The following EXOC4 variants were observed in gnomAD, a reference collection of about 807,000 sequenced individuals.
EXOC4 encodes the protein SEC8-like 1.
EXOC4 carries 71 observed loss-of-function variants against 107.2 expected under a neutral mutation model. That is an observed-to-expected ratio of 0.66 (90% CI 0.55 to 0.81). EXOC4 has a LOEUF of 0.81. EXOC4 is among the 30% of genes least tolerant of loss of function. The pLI, the probability that EXOC4 is intolerant of heterozygous loss-of-function variation, is 0.00. For missense variants in EXOC4, 1,108 were observed against 1,189.6 expected, an observed-to-expected ratio of 0.93 and a Z score of 1.01; for synonymous variants, 456 against 441.2, an observed-to-expected ratio of 1.03 and a Z score of -0.42.
At chr7:133,432,640 T>C (rs924685539) in intron 7 of EXOC4, among the ~76,000 whole-genome samples, 1 of 152,224 alleles carries the variant, frequency 6.6e-6, no homozygotes, top group African/African-American at 2.4e-5. Context: ...TTTAAAGTTA[T>C]CTTAAAATGT....
At chr7:133,480,594 T>C (rs1799131819) in intron 9 of EXOC4, 1 of 261,102 alleles carries the variant, frequency 3.8e-6, no homozygotes, top group Non-Finnish European at 6.3e-6. Context: ...ATAATCAATA[T>C]AACTGTGATG....
At chr7:133,541,977 G>A (rs1245786571) in intron 9 of EXOC4, among the ~76,000 whole-genome samples, 2 of 152,112 alleles carry the variant, frequency 1.3e-5, no homozygotes, top group Non-Finnish European at 2.9e-5. Context: ...CTTTCCGGTA[G>A]ATTCAAGGTT....
intron 17 of EXOC4, among the ~76,000 whole-genome samples, chr7:134,012,127 G>A (rs1329298936): frequency 1.3e-5 from 2 of 152,216 alleles, no homozygotes; most frequent in African/African-American, 4.8e-5. Flanking sequence ...TCATTGTAAT[G>A]ACACTGAGTT....
At chr7:133,906,048 G>T (rs1003585648) in intron 12 of EXOC4, among the ~76,000 whole-genome samples, 3 of 152,172 alleles carry the variant, frequency 2.0e-5, no homozygotes, top group Admixed American at 1.3e-4. Context: ...GTAGAAATGG[G>T]CAGGAAAGGA....
At chr7:134,068,116 C>G (rs1000860069), downstream of EXOC4, among the ~76,000 whole-genome samples, 1 of 152,190 alleles carries the variant, frequency 6.6e-6, no homozygotes, top group African/African-American at 2.4e-5. Flanking sequence ...AGCCCATACT[C>G]TTGAAACCCA....
rs567243428 is a variant in EXOC4 at position 133,795,060 on chromosome 7, GACTAT to G, written c.1515-22262_1515-22258del. ...GTGTTCTTAAATGGTACGTTGAAGA[GACTAT>G]ACAAAGAACTTTTTTTAAAAAATCA... On this transcript the variant is annotated intron_variant, in intron 10 of 17. Transcript: ENST00000253861. Among the ~76,000 whole-genome samples the G allele has an allele frequency of 3.7e-3, 561 of 151,796 alleles. 3 individuals carry two copies. Among genetic ancestry groups the G allele is most frequent in the African/African-American group, 0.013 (531 of 41,412 alleles).
chr7:133,485,088 AAT>A lies in EXOC4; in HGVS notation c.1417+4952_1417+4953del, dbSNP rs1158211727. ...CAGCGAGACTCCGTCTCAAAAAATA[AAT>A]AAATAAATAAATAAATAAATAAATA... On this transcript the variant is annotated intron_variant, in intron 9 of 17. Transcript: ENST00000253861. Among the ~76,000 whole-genome samples the A allele has an allele frequency of 9.0e-5, 13 of 144,920 alleles. 1 individual carries two copies. The highest frequency in any genetic ancestry group is 2.0e-4 in the East Asian group (1 of 5,032).
chr7:133,461,628 G>A (rs1798596009), intron 7 of EXOC4, among the ~76,000 whole-genome samples: 1 of 152,134 alleles, frequency 6.6e-6, no homozygotes, highest in African/African-American at 2.4e-5. Flanking sequence ...CAGGTCGTTA[G>A]GGTGGCACTT....
intron 17 of EXOC4, among the ~76,000 whole-genome samples, chr7:134,060,436 A>T (rs1796029855): frequency 6.6e-6 from 1 of 152,216 alleles, no homozygotes; most frequent in Admixed American, 6.5e-5. Context: ...TCTCAATCAA[A>T]TGTGCATTCA....
chr7:133,922,156 T>C, intron 13 of EXOC4, among the ~76,000 whole-genome samples: 1 of 152,084 alleles, frequency 6.6e-6, no homozygotes, highest in South Asian at 2.1e-4. Context: ...ATACTTTTAA[T>C]GAAGCATAAT....
chr7:133,485,114 T>A (rs1327732468), intron 9 of EXOC4, among the ~76,000 whole-genome samples: 34 of 146,686 alleles, frequency 2.3e-4, no homozygotes, highest in African/African-American at 6.9e-4. Flanking sequence ...AATAAATAAA[T>A]AAATAATTAA....
Position 133,469,153 on chromosome 7 carries a change from C to T in EXOC4, c.1183-6175C>T, listed in dbSNP as rs578142204. On this transcript the variant is annotated intron_variant, in intron 7 of 17. Coordinates refer to ENST00000253861, the MANE Select transcript of EXOC4 (RefSeq NM_021807.4). ...AAAATTGGGGCAGGACGCAGTGGCT[C>T]ACGCCTGTAATCCCAGCACTTTGGG... 1.6e-3 allele frequency among the ~76,000 whole-genome samples: 241 copies of T among 152,314 alleles called. 3 individuals carry two copies. The Middle Eastern group carries it at 0.027, about 17-fold the overall frequency.
At chr7:133,844,378 C>CTTTTTTTTTTTTTTTTTTTT (rs761535651) in intron 11 of EXOC4, among the ~76,000 whole-genome samples, 1 of 83,392 alleles carries the variant, frequency 1.2e-5, no homozygotes, top group African/African-American at 5.8e-5. Context: ...CCACATATTC[C>CTTTTTTTTTTTTTTTTTTTT]TTTTTTTTTT....
At chr7:134,079,736 A>G in the EXOC4 span, among the ~76,000 whole-genome samples, 1 of 152,192 alleles carries the variant, frequency 6.6e-6, no homozygotes, top group Non-Finnish European at 1.5e-5. Flanking sequence ...TAGGACATCT[A>G]CTAACCATCA....
chr7:134,092,283 T>TA, the EXOC4 span, among the ~76,000 whole-genome samples: 11 of 151,954 alleles, frequency 7.2e-5, no homozygotes, highest in Non-Finnish European at 1.2e-4. Flanking sequence ...ATATTTCAAT[T>TA]AAAAAAATTT....
intron 5 of EXOC4, among the ~76,000 whole-genome samples, chr7:133,318,539 C>G (rs923834547): frequency 6.6e-6 from 1 of 152,108 alleles, no homozygotes; most frequent in African/African-American, 2.4e-5. Flanking sequence ...TTATCATTGT[C>G]TTTTCAGATA....
intron 4 of EXOC4, among the ~76,000 whole-genome samples, chr7:133,313,590 C>A (rs1377051776): frequency 6.6e-6 from 1 of 152,062 alleles, no homozygotes; most frequent in Non-Finnish European, 1.5e-5. Context: ...ATAGTTGAAC[C>A]CATTTATTGT....
At chr7:133,773,735 C>A (rs1562991502) in intron 10 of EXOC4, among the ~76,000 whole-genome samples, 1 of 151,982 alleles carries the variant, frequency 6.6e-6, no homozygotes, top group East Asian at 1.9e-4. Context: ...TGTACTCATT[C>A]ATGCACAAAG....
chr7:133,475,926 T>TA (rs1799000518), intron 8 of EXOC4, among the ~76,000 whole-genome samples: 1 of 152,164 alleles, frequency 6.6e-6, no homozygotes, highest in Non-Finnish European at 1.5e-5. Context: ...GGTTTTTTTT[T>TA]ATCTAATTAT....
Sources: allele counts gnomAD v4.1 joint callset (sites outside exome capture counted in the v4.1 genomes callset), GRCh38; gene constraint gnomAD v4.1.1; transcripts MANE v1.5; gene names NCBI Gene and HGNC (gene_info 2026-07-23, HGNC 2026-07-21).